Variants in RPS6KA2 observed in about 807,000 individuals in gnomAD.
The protein encoded by RPS6KA2 is ribosomal protein S6 kinase A2, also known as ribosomal protein S6 kinase alpha-2.
Under a neutral mutation model 91.8 loss-of-function variants are expected in RPS6KA2, and 42 were observed. The ratio of observed to expected loss-of-function variants is 0.46; its 90% CI spans 0.36 to 0.59. The LOEUF is 0.59. Ranked by LOEUF, RPS6KA2 falls within the 20% of genes least tolerant of loss-of-function variation. The pLI, the probability that RPS6KA2 is intolerant of heterozygous loss-of-function variation, is 0.00. For synonymous variants in RPS6KA2, 414 were observed against 393.6 expected, an observed-to-expected ratio of 1.05 and a Z score of -0.61; for missense variants, 798 against 978.5, an observed-to-expected ratio of 0.82 and a Z score of 2.46.
intron 10 of RPS6KA2, among the ~76,000 whole-genome samples, chr6:166,472,617 TC>T (rs2128466119): frequency 6.6e-6 from 1 of 152,314 alleles, no homozygotes; most frequent in African/African-American, 2.4e-5. Flanking sequence ...GTGTCAACCC[TC>T]CCAGGGCAGT....
chr6:166,442,701 G>T (rs927384693), intron 14 of RPS6KA2, among the ~76,000 whole-genome samples: 2 of 152,092 alleles, frequency 1.3e-5, no homozygotes, highest in East Asian at 1.9e-4. Flanking sequence ...GGGTCAAGGT[G>T]GCAAAATTGG....
chr6:166,648,228 G>GCA lies in RPS6KA2; in HGVS notation c.124-109446_124-109445dup, dbSNP rs371289240. 2.0e-4 allele frequency among the ~76,000 whole-genome samples: 29 copies of GCA among 146,976 alleles called. No individual in the cohort carries two copies. Among genetic ancestry groups the GCA allele is most frequent in the African/African-American group, 5.8e-4 (23 of 39,734 alleles). On this transcript the variant is annotated intron_variant, in intron 2 of 21. Transcript: ENST00000503859. This position sits in a 1 kb window ranked among gnomAD's most constrained non-coding sequence, Gnocchi z 4.8. Reference sequence around the variant, plus strand: ...CACTCATGCACACACACGCACATGCGCACACACACACATTCACACAGGCAC... The same window carrying GCA: ...CACTCATGCACACACACGCACATGCGCACACACACACACATTCACACAGGCAC...
intron 2 of RPS6KA2, among the ~76,000 whole-genome samples, chr6:166,638,450 G>A (rs1399161129): frequency 2.0e-5 from 3 of 152,298 alleles, no homozygotes; most frequent in Admixed American, 1.3e-4. Flanking sequence ...AATGAACAAC[G>A]TCGCTCTTGA....
chr6:166,547,430 T>C (rs1783862567), intron 1 of RPS6KA2, among the ~76,000 whole-genome samples: 1 of 152,200 alleles, frequency 6.6e-6, no homozygotes, highest in Non-Finnish European at 1.5e-5. Flanking sequence ...GGCAGCTGAG[T>C]TGGCAGCTGA....
intron 2 of RPS6KA2, among the ~76,000 whole-genome samples, chr6:166,784,614 A>T (rs546424734): frequency 1.2e-4 from 5 of 41,552 alleles, no homozygotes; most frequent in African/African-American, 6.7e-4. Context: ...ACCTATGCAG[A>T]ACCACATATA....
At chr6:166,506,723 T>C (rs1782240866) in intron 5 of RPS6KA2, among the ~76,000 whole-genome samples, 1 of 151,914 alleles carries the variant, frequency 6.6e-6, no homozygotes, top group Non-Finnish European at 1.5e-5. Flanking sequence ...TCTGCCTTGG[T>C]TTACTGTTCA....
chr6:166,416,100 C>A (rs1357832370), intron 19 of RPS6KA2, among the ~76,000 whole-genome samples: 101 of 150,450 alleles, frequency 6.7e-4, no homozygotes, highest in African/African-American at 2.4e-3. Flanking sequence ...TCCATCACCT[C>A]CACCATCCAC....
intron 2 of RPS6KA2, among the ~76,000 whole-genome samples, chr6:166,811,437 C>T (rs1299452540): frequency 6.6e-6 from 1 of 152,182 alleles, no homozygotes; most frequent in African/African-American, 2.4e-5. Flanking sequence ...CATGCCTGGG[C>T]AACATAGCAA....
intron 2 of RPS6KA2, among the ~76,000 whole-genome samples, chr6:166,684,784 AC>A (rs1443665679): frequency 6.6e-6 from 1 of 152,006 alleles, no homozygotes. Context: ...AACATTTATC[AC>A]CCTTCCCCCT....
intron 2 of RPS6KA2, among the ~76,000 whole-genome samples, chr6:166,778,041 C>A (rs979082952): frequency 1.3e-5 from 2 of 152,132 alleles, no homozygotes; most frequent in East Asian, 3.8e-4. Context: ...CCAAAAAGGA[C>A]GATTTTTTCT....
At position 166,787,209 on chromosome 6, in the gene RPS6KA2, G is replaced by GT. The variant is rs547714770; in HGVS notation, c.123+70990dup. Among the ~76,000 whole-genome samples, 589 of 151,904 alleles carry GT rather than the reference G, an allele frequency of 3.9e-3. 4 individuals are homozygous for GT. Among genetic ancestry groups the GT allele is most frequent in the African/African-American group, 0.014 (562 of 41,400 alleles). ...GATGTATGTGGATGTTTATCATAGT[G>GT]TTTTTTTTATCATGATGTATAATTG... On this transcript the variant is annotated intron_variant, in intron 2 of 21. Coordinates refer to the RPS6KA2 transcript ENST00000503859.
At chr6:166,774,894 G>A (rs1778573195) in intron 2 of RPS6KA2, among the ~76,000 whole-genome samples, 3 of 149,120 alleles carry the variant, frequency 2.0e-5, no homozygotes, top group Non-Finnish European at 4.4e-5. Flanking sequence ...ATCCCCAGGT[G>A]CTTCAATAGC....
rs919914189 is a variant in RPS6KA2 at position 166,500,693 on chromosome 6, G to A, written c.604+194C>T. 2.0e-5 allele frequency among the ~76,000 whole-genome samples: 3 copies of A among 152,204 alleles called. No individual in the cohort carries two copies. The highest frequency in any genetic ancestry group is 4.4e-5 in the Non-Finnish European group (3 of 68,030). On this transcript the variant is annotated intron_variant, in intron 7 of 20. Coordinates refer to ENST00000265678, the MANE Select transcript of RPS6KA2 (RefSeq NM_021135.6). The surrounding 1 kb of genome is among the most constrained non-coding windows in gnomAD (Gnocchi z 4.3). ...GAAAAGAAGGGGCCACCGGGAAGCT[G>A]CATGGGTCTGGACGTTATGAAGACA...
intron 2 of RPS6KA2, among the ~76,000 whole-genome samples, chr6:166,842,566 A>C (rs117436428): frequency 6.6e-6 from 1 of 152,178 alleles, no homozygotes; most frequent in Non-Finnish European, 1.5e-5. Flanking sequence ...CGGTGCATGG[A>C]ACTTTGTTGC....
intron 1 of RPS6KA2, among the ~76,000 whole-genome samples, chr6:166,620,871 A>G (rs1786600681): frequency 1.3e-5 from 2 of 152,238 alleles, no homozygotes; most frequent in South Asian, 2.1e-4. Flanking sequence ...CAGCAAGAAC[A>G]CTAGGGCAGT....
chr6:166,593,767 A>AT (rs1785435648), intron 1 of RPS6KA2, among the ~76,000 whole-genome samples: 1 of 152,232 alleles, frequency 6.6e-6, no homozygotes. Context: ...TAAACAGGTG[A>AT]TTAACACAAT....
chr6:166,423,585 C>T lies in RPS6KA2; in HGVS notation c.1582-168G>A, dbSNP rs1214170604. Reference sequence around the variant, plus strand: ...ACAGCTGCTGTCTTCTCCAGAGGGCCCCCCACCTTCTCCCATTCTCCTGTG... The same window carrying T: ...ACAGCTGCTGTCTTCTCCAGAGGGCTCCCCACCTTCTCCCATTCTCCTGTG... On this transcript the variant is annotated intron_variant, in intron 16 of 20. Coordinates refer to ENST00000265678, the MANE Select transcript of RPS6KA2 (RefSeq NM_021135.6). This position sits in a 1 kb window ranked among gnomAD's most constrained non-coding sequence, Gnocchi z 4.8. Among the ~76,000 whole-genome samples, 1 of 152,126 alleles carries T rather than the reference C, an allele frequency of 6.6e-6. No individual in the cohort carries two copies. Among genetic ancestry groups the T allele is most frequent in the Non-Finnish European group, 1.5e-5 (1 of 68,020 alleles).
At chr6:166,746,284 C>T (rs1006707484) in intron 2 of RPS6KA2, among the ~76,000 whole-genome samples, 1 of 152,226 alleles carries the variant, frequency 6.6e-6, no homozygotes, top group Non-Finnish European at 1.5e-5. Context: ...TGGATCCAAA[C>T]TCACCTGTTG....
chr6:166,660,345 T>C (rs972001695), intron 2 of RPS6KA2, among the ~76,000 whole-genome samples: 11 of 150,596 alleles, frequency 7.3e-5, no homozygotes, highest in African/African-American at 2.2e-4. Flanking sequence ...TGTGTGCGGG[T>C]TGGTGTGTGC....
Sources: allele counts gnomAD v4.1 joint callset (sites outside exome capture counted in the v4.1 genomes callset), GRCh38; gene constraint gnomAD v4.1.1; non-coding constraint Gnocchi (gnomAD v3.1); transcripts MANE v1.5; gene names NCBI Gene and HGNC (gene_info 2026-07-23, HGNC 2026-07-21).